ANK2: variants seen among roughly 807,000 people sequenced by gnomAD.
ANK2 encodes the protein ankyrin 2, also known as ankyrin-2.
A neutral mutation model predicts 360.5 loss-of-function variants in ANK2; 83 were observed. That is an observed-to-expected ratio of 0.23 (90% CI 0.19 to 0.28). The LOEUF is 0.28. Among genes scored for constraint, ANK2 ranks in the 10% least tolerant of loss-of-function variants. The pLI is 1.00. For synonymous variants in ANK2, 1,740 were observed against 1,759.5 expected, an observed-to-expected ratio of 0.99 and a Z score of 0.28; for missense variants, 4,201 against 4,795.7, an observed-to-expected ratio of 0.88 and a Z score of 3.66.
chr4:112,838,758 A>G (rs1252879529), intron 1 of ANK2, among the ~76,000 whole-genome samples: 1 of 152,090 alleles, frequency 6.6e-6, no homozygotes, highest in African/African-American at 2.4e-5. Flanking sequence ...AATCCCAGCT[A>G]CTCGGGAGGC....
intron 4 of ANK2, among the ~76,000 whole-genome samples, chr4:113,225,535 A>G (rs546866513): frequency 2.4e-4 from 37 of 152,308 alleles, no homozygotes; most frequent in African/African-American, 8.4e-4. Context: ...AAAGTTATGC[A>G]TGCCAGGAAA....
chr4:112,930,462 A>G (rs930000527), intron 2 of ANK2, among the ~76,000 whole-genome samples: 23 of 151,464 alleles, frequency 1.5e-4, no homozygotes, highest in African/African-American at 4.8e-4. Context: ...AAAAAAAAAA[A>G]GAAAAGAAAA....
intron 2 of ANK2, among the ~76,000 whole-genome samples, chr4:112,943,118 C>T (rs2154247986): frequency 6.6e-6 from 1 of 152,120 alleles, no homozygotes; most frequent in South Asian, 2.1e-4. Flanking sequence ...CTTTTGTGAA[C>T]AGGGGCGTGG....
chr4:113,005,327 G>A (rs1385964954), intron 2 of ANK2, among the ~76,000 whole-genome samples: 1 of 152,100 alleles, frequency 6.6e-6, no homozygotes, highest in East Asian at 1.9e-4. Context: ...GCAAAGATTT[G>A]GAATCAACCT....
Position 113,336,630 on chromosome 4 carries a change from C to T in ANK2, c.3645C>T (p.Thr1215=). ...LVKKILGNKA[T]FSPIVTLEPR... is the part of the protein sequence containing the mutation. ...AGAAGATCCTAGGCAACAAAGCTAC[C>T]TTCAGCCCTATAGTCACTTTGGAAC... Residue 1215 remains threonine (T), a synonymous_variant, in exon 31 of 46, where the codon ACC becomes ACT. Coordinates refer to ENST00000357077, the MANE Select transcript of ANK2 (RefSeq NM_001148.6). The T allele has an allele frequency of 1.2e-6, 2 of 1,614,108 alleles. No homozygotes were observed. The highest frequency in any genetic ancestry group is 1.1e-5 in the South Asian group (1 of 91,082).
In ANK2 at chr4:113,353,996, G is replaced by A. The variant is rs145589027; in HGVS notation, c.5378G>A (p.Gly1793Asp). 1 of 1,614,036 alleles carries A rather than the reference G, an allele frequency of 6.2e-7. No homozygotes were observed. Among genetic ancestry groups the A allele is most frequent in the Non-Finnish European group, 8.5e-7 (1 of 1,179,980 alleles). The change falls in exon 38 of 46, where the codon GGC becomes GAC. Residue 1793 changes from glycine (G) to aspartate (D), a missense_variant. Gly to Asp is a moderately conservative substitution (Grantham distance 94). Coordinates refer to ENST00000357077, the MANE Select transcript of ANK2 (RefSeq NM_001148.6). Reference protein sequence around the residue: ...GRSKLPIRVKGKEDVPKKTTH... With the variant: ...GRSKLPIRVKDKEDVPKKTTH... ...AGCAAGTTGCCCATCAGAGTCAAAGGCAAGGAGGACGTGCCAAAAAAGACC... is the reference window on the plus strand; with the variant it reads ...AGCAAGTTGCCCATCAGAGTCAAAGACAAGGAGGACGTGCCAAAAAAGACC...
chr4:112,810,860 T>G, the ANK2 span, among the ~76,000 whole-genome samples: 27,041 of 151,352 alleles, frequency 0.18, 3,059 homozygotes, highest in East Asian at 0.55. Context: ...CCCTTCCCGC[T>G]TTTTTGTTGT....
intron 1 of ANK2, among the ~76,000 whole-genome samples, chr4:112,852,752 C>A (rs1047412495): frequency 6.6e-6 from 1 of 152,032 alleles, no homozygotes; most frequent in Non-Finnish European, 1.5e-5. Flanking sequence ...CGGTGAATCC[C>A]AAGTGAGAGT....
At chr4:112,854,366 A>G (rs2065806611) in intron 1 of ANK2, among the ~76,000 whole-genome samples, 1 of 152,214 alleles carries the variant, frequency 6.6e-6, no homozygotes, top group South Asian at 2.1e-4. Context: ...AAGTGGTTTA[A>G]TTTGATTAAG....
At chr4:113,175,177 T>C (rs1384732976) in intron 2 of ANK2, among the ~76,000 whole-genome samples, 2 of 152,220 alleles carry the variant, frequency 1.3e-5, no homozygotes, top group African/African-American at 4.8e-5. Context: ...GTTGTGTGTA[T>C]GTGTTTGACA....
chr4:112,881,490 T>C (rs903174739), intron 1 of ANK2, among the ~76,000 whole-genome samples: 2 of 152,234 alleles, frequency 1.3e-5, no homozygotes, highest in Non-Finnish European at 2.9e-5. Context: ...TGTCAGCTGC[T>C]AGATATTCAA....
intron 2 of ANK2, among the ~76,000 whole-genome samples, chr4:112,994,956 A>C (rs1007754320): frequency 1.3e-5 from 2 of 152,210 alleles, no homozygotes; most frequent in African/African-American, 4.8e-5. Context: ...TTATGGCTGC[A>C]TAGTATTCCA....
chr4:113,056,022 T>C (rs2069606274), intron 1 of ANK2, among the ~76,000 whole-genome samples: 1 of 152,196 alleles, frequency 6.6e-6, no homozygotes. Context: ...CCAAGCAGCA[T>C]TCCCAAAAGA....
At position 113,367,777 on chromosome 4, in the gene ANK2, A is replaced by G; in HGVS notation, c.11244A>G (p.Gln3748=). The change falls in exon 42 of 46, where the codon CAA becomes CAG. Residue 3748 remains glutamine, a synonymous_variant. Transcript: ENST00000357077. ...TALFPQTHKE[Q]VQQDFSGKMQ... ...TCTTTCCCCAAACTCACAAGGAGCA[A>G]GTTCAACAGGATTTCTCAGGGAAAA... is the stretch of plus-strand genomic sequence containing the variant. The G allele has an allele frequency of 6.2e-7, 1 of 1,614,098 alleles. No individual in the cohort carries two copies. The highest frequency in any genetic ancestry group is 8.5e-7 in the Non-Finnish European group (1 of 1,180,000).
the ANK2 span, among the ~76,000 whole-genome samples, chr4:112,753,071 C>G: frequency 1.5e-4 from 23 of 152,218 alleles, no homozygotes; most frequent in African/African-American, 5.5e-4. Flanking sequence ...TGGTCTCTCC[C>G]TCTTCCCAGG....
intron 26 of ANK2, among the ~76,000 whole-genome samples, chr4:113,319,342 A>G (rs939505820): frequency 2.6e-5 from 4 of 151,758 alleles, no homozygotes; most frequent in Non-Finnish European, 4.4e-5. Flanking sequence ...CACTCTTCCA[A>G]TTTCTTCCTT....
intron 2 of ANK2, among the ~76,000 whole-genome samples, chr4:112,907,955 A>G (rs2085814431): frequency 6.6e-6 from 1 of 152,196 alleles, no homozygotes; most frequent in Non-Finnish European, 1.5e-5. Context: ...ACTGTGGCAG[A>G]GAGGATTAAC....
intron 1 of ANK2, among the ~76,000 whole-genome samples, chr4:113,050,672 A>G (rs534364727): frequency 6.6e-6 from 1 of 152,292 alleles, no homozygotes; most frequent in African/African-American, 2.4e-5. Flanking sequence ...TTCTCCTAAA[A>G]TGCATTTATT....
Position 113,287,671 on chromosome 4 carries a change from A to G in ANK2, c.2146A>G (p.Lys716Glu). 6.2e-7 allele frequency: 1 copy of G among 1,613,302 alleles called. No individual in the cohort carries two copies. Among genetic ancestry groups the G allele is most frequent in the South Asian group, 1.1e-5 (1 of 91,066 alleles). The change falls in exon 19 of 46, where the codon AAG becomes GAG. Residue 716 changes from lysine (K) to glutamate (E), a missense_variant. By Grantham distance (56) the Lys-to-Glu change is moderately conservative. Coordinates refer to ENST00000357077, the MANE Select transcript of ANK2 (RefSeq NM_001148.6). Reference sequence around the variant, plus strand: ...AGTGAATGTTGCTGATATTCTCACCAAGCATGGAGCTGATCAGGATGCTCA... The same window carrying G: ...AGTGAATGTTGCTGATATTCTCACCGAGCATGGAGCTGATCAGGATGCTCA... ...DKVNVADILT[K>E]HGADQDAHTK...
Sources: allele counts gnomAD v4.1 joint callset (sites outside exome capture counted in the v4.1 genomes callset), GRCh38; gene constraint gnomAD v4.1.1; transcripts MANE v1.5; gene names NCBI Gene and HGNC (gene_info 2026-07-23, HGNC 2026-07-21).